USP34: variants seen among roughly 807,000 people sequenced by gnomAD.
USP34 encodes ubiquitin carboxyl-terminal hydrolase 34.
In USP34, 70 loss-of-function variants were observed where a neutral mutation model predicts 460.3. The observed-to-expected ratio is 0.15, with a 90% CI of 0.13 to 0.19. The LOEUF (loss-of-function observed/expected upper bound fraction) is 0.19. USP34 is among the 10% of genes least tolerant of loss of function. The probability of loss-of-function intolerance (pLI) is 1.00; values close to 1 mark genes in which losing one functional copy is unlikely to be tolerated. For synonymous variants in USP34, 1,647 were observed against 1,405.3 expected, an observed-to-expected ratio of 1.17 and a Z score of -3.85; for missense variants, 3,985 against 4,236.2, an observed-to-expected ratio of 0.94 and a Z score of 1.65.
intron 75 of USP34, among the ~76,000 whole-genome samples, chr2:61,195,958 G>A (rs1032464826): frequency 2.6e-5 from 4 of 151,510 alleles, no homozygotes; most frequent in African/African-American, 4.9e-5. Flanking sequence ...CCACGCTGGA[G>A]GACAGTGGCA....
At chr2:61,198,926 T>C (rs961744759) in intron 75 of USP34, among the ~76,000 whole-genome samples, 10 of 152,270 alleles carry the variant, frequency 6.6e-5, no homozygotes, top group African/African-American at 2.4e-4. Flanking sequence ...CCAAACACTT[T>C]TTTGTGTCTA....
intron 1 of USP34, among the ~76,000 whole-genome samples, chr2:61,432,392 C>CT (rs1371544457): frequency 6.6e-6 from 1 of 152,126 alleles, no homozygotes; most frequent in African/African-American, 2.4e-5. Flanking sequence ...GGGCAGACAG[C>CT]TTGAGCCCCA....
At chr2:61,293,185 AAATATT>A (rs1006239927) in intron 33 of USP34, among the ~76,000 whole-genome samples, 1 of 152,022 alleles carries the variant, frequency 6.6e-6, no homozygotes, top group African/African-American at 2.4e-5. Flanking sequence ...AACTTTATAT[AAATATT>A]AATATATAAT....
chr2:61,383,128 A>G, intron 6 of USP34, 141 bp downstream of exon 6: 2 of 475,308 alleles, frequency 4.2e-6, no homozygotes, highest in Non-Finnish European at 7.3e-6. Context: ...TGCATAAAAA[A>G]CACTATATAC....
chr2:61,390,469 T>C (rs1693309939), intron 5 of USP34, among the ~76,000 whole-genome samples: 1 of 152,212 alleles, frequency 6.6e-6, no homozygotes, highest in Non-Finnish European at 1.5e-5. Flanking sequence ...AAAAGCTGCA[T>C]TTGCAAAGTA....
intron 1 of USP34, among the ~76,000 whole-genome samples, chr2:61,465,986 T>A (rs1282698688): frequency 3.4e-5 from 5 of 148,992 alleles, no homozygotes; most frequent in African/African-American, 7.5e-5. Flanking sequence ...CAAAAAAAAA[T>A]AAAATAAAAT....
intron 29 of USP34, among the ~76,000 whole-genome samples, chr2:61,297,526 A>T (rs1690064577): frequency 6.6e-6 from 1 of 152,276 alleles, no homozygotes; most frequent in South Asian, 2.1e-4. Flanking sequence ...ATAGGCAATT[A>T]AACAAAAATT....
rs1165827204 is a variant in USP34, at chr2:61,317,747, T to C, written c.3189A>G (p.Glu1063=). The part of the protein sequence containing the change: ...FLEKMPQLKP[E]TISMTGLNLF... ...GGTTTAAGCCAGTCATGCTAATTGT[T>C]TCAGGTTTTAGCTGGGGCATCTTTG... Residue 1063 remains glutamate (E), a synonymous_variant, in exon 23 of 80, where the codon GAA becomes GAG. Coordinates refer to ENST00000398571, the MANE Select transcript of USP34 (RefSeq NM_014709.4). The C allele has an allele frequency of 3.1e-6, 5 of 1,613,970 alleles. No individual in the cohort carries two copies. The highest frequency in any genetic ancestry group is 3.4e-6 in the Non-Finnish European group (4 of 1,179,982).
chr2:61,233,573 C>G (rs1368232608), intron 57 of USP34, among the ~76,000 whole-genome samples: 1 of 152,118 alleles, frequency 6.6e-6, no homozygotes, highest in African/African-American at 2.4e-5. Context: ...TGCCTGTAAT[C>G]TCAGCACTCT....
intron 29 of USP34, among the ~76,000 whole-genome samples, chr2:61,300,247 T>G (rs1467550255): frequency 1.3e-5 from 2 of 152,158 alleles, no homozygotes; most frequent in Non-Finnish European, 2.9e-5. Flanking sequence ...GCAAAAGGTT[T>G]ACATTATTTC....
Position 61,281,193 on chromosome 2 carries a change from G to A in USP34, c.5048C>T (p.Ser1683Leu). 6.2e-7 allele frequency: 1 copy of A among 1,614,060 alleles called. No homozygotes were observed. The highest frequency in any genetic ancestry group is 1.3e-5 in the African/African-American group (1 of 75,038). Residue 1683 changes from serine to leucine, a missense_variant, in exon 38 of 80, where the codon TCA becomes TTA. By Grantham distance (145) the Ser-to-Leu change is moderately radical (BLOSUM62 -2). Around this residue, in one of 14 missense-constraint regions of USP34, gnomAD observed 1,114 missense variants for 1,122.5 expected, o/e 0.99. Coordinates refer to ENST00000398571, the MANE Select transcript of USP34 (RefSeq NM_014709.4). ...GATTGAGTCTCCTCCATCCAGCCCTGACAGGGATAACTTATAGAGACCACT... is the reference window on the plus strand; with the variant it reads ...GATTGAGTCTCCTCCATCCAGCCCTAACAGGGATAACTTATAGAGACCACT... Reference protein sequence around the residue: ...SCSGLYKLSLSGLDGGDSINR... With the variant: ...SCSGLYKLSLLGLDGGDSINR...
chr2:61,409,828 G>A (rs1693986611), intron 2 of USP34, among the ~76,000 whole-genome samples: 1 of 152,188 alleles, frequency 6.6e-6, no homozygotes, highest in Admixed American at 6.5e-5. Flanking sequence ...CAAAGTAACA[G>A]AAGAAACTGG....
chr2:61,245,207 T>C lies in USP34; in HGVS notation c.6627+3A>G. ...CCATTTATAATTTCTGAATAAAACT[T>C]ACCGTCATCTCTCCACCAAAACATT... On this transcript the variant is annotated splice_donor_region_variant and intron_variant, in intron 51 of 79. Transcript: ENST00000398571. 6.2e-7 allele frequency: 1 copy of C among 1,608,730 alleles called. No individual in the cohort carries two copies. The highest frequency in any genetic ancestry group is 8.5e-7 in the Non-Finnish European group (1 of 1,176,506).
Position 61,442,899 on chromosome 2 carries a change from A to G in USP34, c.44-22066T>C, listed in dbSNP as rs1695004130. Among the ~76,000 whole-genome samples, 2 of 5,850 alleles carry G rather than the reference A, an allele frequency of 3.4e-4. 1 individual carries two copies. 3.8% of individuals were successfully genotyped at this position (5,850 alleles called of 152,430 possible). Reference sequence around the variant, plus strand: ...TGGATAAACAAAATGTGATGTGTGTACACACACACACACACACACACACAC... The same window carrying G: ...TGGATAAACAAAATGTGATGTGTGTGCACACACACACACACACACACACAC... On this transcript the variant is annotated intron_variant, in intron 1 of 79. Coordinates refer to ENST00000398571, the MANE Select transcript of USP34 (RefSeq NM_014709.4).
chr2:61,294,173 G>A (rs542424051), intron 32 of USP34, among the ~76,000 whole-genome samples: 42 of 151,672 alleles, frequency 2.8e-4, no homozygotes, highest in African/African-American at 8.9e-4. Flanking sequence ...GTGAAACCCC[G>A]TCTCTATTAA....
chr2:61,314,795 C>T (rs754916756), intron 24 of USP34, 51 bp from the exon 25 acceptor site: 2 of 1,583,978 alleles, frequency 1.3e-6, no homozygotes, highest in Non-Finnish European at 8.6e-7. Context: ...TCTTGTTTAG[C>T]TATATCAAAG....
At chr2:61,464,913 G>C (rs534759909) in intron 1 of USP34, among the ~76,000 whole-genome samples, 1 of 152,016 alleles carries the variant, frequency 6.6e-6, no homozygotes, top group Non-Finnish European at 1.5e-5. Flanking sequence ...GTTCACAAAA[G>C]TAACTACAAA....
intron 57 of USP34, among the ~76,000 whole-genome samples, chr2:61,232,870 C>A (rs866031238): frequency 1.2e-5 from 1 of 86,758 alleles, no homozygotes; most frequent in African/African-American, 4.4e-5. Flanking sequence ...TCCCCCCCCC[C>A]TTTTTTTTTT....
At chr2:61,208,384 C>G (rs1687180715) in intron 70 of USP34, 1 of 152,236 alleles carries the variant, frequency 6.6e-6, no homozygotes, top group Non-Finnish European at 1.5e-5. Context: ...TCTCATGTCT[C>G]CCTAAAATGT....
Sources: gnomAD v4.1 joint callset for allele counts (sites outside exome capture counted in the v4.1 genomes callset) on GRCh38, gnomAD v4.1.1 for gene constraint, gnomAD v4.1.1 regional missense constraint, MANE v1.5 for transcripts, NCBI Gene and HGNC (gene_info 2026-07-23, HGNC 2026-07-21) for gene names.